Variants in CD109 observed in about 807,000 individuals in gnomAD.
The protein encoded by CD109 is CD109 antigen.
A neutral mutation model predicts 165.8 loss-of-function variants in CD109; 149 were observed. The observed-to-expected ratio is 0.90, with a 90% CI of 0.79 to 1.03. The LOEUF (loss-of-function observed/expected upper bound fraction) is 1.03. Ranked by LOEUF, CD109 falls within the 50% of genes least tolerant of loss-of-function variation. CD109 has a pLI of 0.00. For missense variants in CD109, 1,712 were observed against 1,677.8 expected (o/e 1.02, Z -0.36); for synonymous variants, 585 against 592.1 (o/e 0.99, Z 0.18).
chr6:73,752,129 T>C (rs1306973100), intron 5 of CD109, among the ~76,000 whole-genome samples: 2 of 152,170 alleles, frequency 1.3e-5, no homozygotes, highest in Non-Finnish European at 2.9e-5. Context: ...TAAAAGAACA[T>C]AATGAACAAA....
intron 22 of CD109, among the ~76,000 whole-genome samples, chr6:73,791,150 T>TACACATACAC (rs1300981171): frequency 2.2e-4 from 6 of 27,328 alleles, no homozygotes; most frequent in African/African-American, 4.4e-4. Context: ...TATATATATA[T>TACACATACAC]ATATATATAT....
Position 73,762,396 on chromosome 6 carries a change from GA to G in CD109, c.773del (p.Lys258SerfsTer3). The G allele has an allele frequency of 6.2e-7, 1 of 1,603,802 alleles. No individual in the cohort carries two copies. The highest frequency in any genetic ancestry group is 8.5e-7 in the Non-Finnish European group (1 of 1,171,142). On this transcript the variant is annotated frameshift_variant, in exon 8 of 33. Coordinates refer to ENST00000287097, the MANE Select transcript of CD109 (RefSeq NM_133493.5). LOFTEE classifies it high-confidence loss of function. ...TATAATTATTCAGGTATACATATGG[GA>G]AGCCAGTGAAAGGAGACGTAACGCT... The part of the protein sequence containing the change: ...GTITAKYTYG[K>X]PVKGDVTLTF...
intron 19 of CD109, among the ~76,000 whole-genome samples, chr6:73,785,019 A>G (rs911330785): frequency 1.3e-5 from 2 of 152,204 alleles, no homozygotes; most frequent in African/African-American, 4.8e-5. Context: ...ATGAATTTGT[A>G]CTAGTTACAA....
At chr6:73,787,172 A>C in intron 20 of CD109, 62 bp from the exon 21 acceptor site, 2 of 1,071,564 alleles carry the variant, frequency 1.9e-6, no homozygotes, top group South Asian at 1.5e-5. Context: ...ACTGGTGATA[A>C]AAGAGCACTT....
At chr6:73,686,429 C>T in the CD109 span, among the ~76,000 whole-genome samples, 1 of 152,180 alleles carries the variant, frequency 6.6e-6, no homozygotes, top group Admixed American at 6.6e-5. Context: ...TTCACATTTC[C>T]TTGCAAATTG....
the CD109 span, among the ~76,000 whole-genome samples, chr6:73,679,721 C>T: frequency 2.6e-5 from 4 of 151,732 alleles, no homozygotes; most frequent in Non-Finnish European, 5.9e-5. Flanking sequence ...CTGCAACCTC[C>T]GCCTCCTGGG....
intron 14 of CD109, 58 bp downstream of exon 14, chr6:73,768,289 A>G (rs1562056649): frequency 9.6e-7 from 1 of 1,042,106 alleles, no homozygotes; most frequent in African/African-American, 1.6e-5. Context: ...AGTCTGAGAA[A>G]TGTAATATTT....
At chr6:73,726,071 A>G (rs994987094) in intron 3 of CD109, among the ~76,000 whole-genome samples, 2 of 152,230 alleles carry the variant, frequency 1.3e-5, no homozygotes, top group African/African-American at 4.8e-5. Flanking sequence ...CAATTAAAGC[A>G]GAACCAACTT....
At chr6:73,765,205 T>C (rs952790728) in intron 10 of CD109, among the ~76,000 whole-genome samples, 1 of 151,582 alleles carries the variant, frequency 6.6e-6, no homozygotes, top group Admixed American at 6.6e-5. Context: ...ACTCAGGTAG[T>C]GTTTGAGGGA....
In CD109 at chr6:73,763,627, T is replaced by G. The variant is rs1773723960; in HGVS notation, c.1049T>G (p.Ile350Ser). 2 of 1,597,238 alleles carry G rather than the reference T, an allele frequency of 1.3e-6. No homozygotes were observed. Among genetic ancestry groups the G allele is most frequent in the Admixed American group, 3.4e-5 (2 of 58,474 alleles). ...TNVFFKQHDY[I>S]IEFFDYTTVL... ...GTGTTCTTCAAGCAACATGATTACA[T>G]CATTGAGTTTTTTGATTATACTACT... Residue 350 changes from isoleucine (I) to serine (S), a missense_variant, in exon 10 of 33, where the codon ATC (isoleucine) becomes AGC (serine). Physicochemically the swap from Ile to Ser is moderately radical, Grantham distance 142. Coordinates refer to ENST00000287097, the MANE Select transcript of CD109 (RefSeq NM_133493.5).
Position 73,782,668 on chromosome 6 carries a change from T to C in CD109, c.2018T>C (p.Val673Ala). The change falls in exon 18 of 33, where the codon GTA (valine) becomes GCA (alanine). Residue 673 changes from valine to alanine, a missense_variant. Coordinates refer to ENST00000287097, the MANE Select transcript of CD109 (RefSeq NM_133493.5). ...ATGGAGGAAAATGAAGGACATATTG[T>C]AGATATTCATGACTTTTCTTTGGGT... ...RFMEENEGHI[V>A]DIHDFSLGSS... 6.2e-7 allele frequency: 1 copy of C among 1,613,874 alleles called. No homozygotes were observed. Among genetic ancestry groups the C allele is most frequent in the Non-Finnish European group, 8.5e-7 (1 of 1,179,796 alleles).
At chr6:73,703,126 G>C (rs867892337) in intron 2 of CD109, among the ~76,000 whole-genome samples, 18 of 152,244 alleles carry the variant, frequency 1.2e-4, no homozygotes, top group Non-Finnish European at 2.9e-5. Flanking sequence ...AGTTAACCCA[G>C]TTAGTAAATG....
Position 73,768,222 on chromosome 6 carries a change from TA to T in CD109, c.1670del (p.Asn557IlefsTer3). On this transcript the variant is annotated frameshift_variant, in exon 14 of 33. Coordinates refer to ENST00000287097, the MANE Select transcript of CD109 (RefSeq NM_133493.5). LOFTEE classifies it high-confidence loss of function. ...VLKIPVQLVF[K>X]NKIKLYWSKV... ...TAAAAATTCCTGTTCAGCTTGTTTTTAAAAATAAGGTAAGATTTAAGGTAAT... is the reference window on the plus strand; with the variant it reads ...TAAAAATTCCTGTTCAGCTTGTTTTTAAAATAAGGTAAGATTTAAGGTAAT... 6.4e-7 allele frequency: 1 copy of T among 1,558,710 alleles called. No homozygotes were observed. The highest frequency in any genetic ancestry group is 8.8e-7 in the Non-Finnish European group (1 of 1,133,350).
intron 32 of CD109, among the ~76,000 whole-genome samples, chr6:73,822,257 G>T (rs935886959): frequency 6.6e-6 from 1 of 152,156 alleles, no homozygotes; most frequent in African/African-American, 2.4e-5. Context: ...TTGAATAAGC[G>T]CTTGTGGTGG....
intron 4 of CD109, among the ~76,000 whole-genome samples, chr6:73,735,717 A>C (rs1192301505): frequency 6.6e-6 from 1 of 152,208 alleles, no homozygotes; most frequent in Non-Finnish European, 1.5e-5. Context: ...TCTGAATTTC[A>C]TCATGCACTG....
intron 32 of CD109, 134 bp downstream of exon 32, chr6:73,820,697 G>A (rs3005537): frequency 0.55 from 265,109 of 482,916 alleles, 74,568 homozygotes; most frequent in African/African-American, 0.74. Flanking sequence ...GGAGGCGGGG[G>A]GGCAGGAAGT....
the CD109 span, among the ~76,000 whole-genome samples, chr6:73,682,483 G>A: frequency 4.6e-5 from 7 of 152,196 alleles, no homozygotes; most frequent in Non-Finnish European, 8.8e-5. Context: ...GGCTTTGCAG[G>A]GTACAGCCTT....
At chr6:73,768,607 A>G (rs1773932930) in intron 14 of CD109, among the ~76,000 whole-genome samples, 3 of 152,212 alleles carry the variant, frequency 2.0e-5, no homozygotes, top group African/African-American at 7.2e-5. Context: ...GAGTGAGGCC[A>G]TCTAGGATAA....
rs34703329 is a variant in CD109 at position 73,776,553 on chromosome 6, C to CTTT, written c.1828-3849_1828-3847dup. ...AGGCGTGAGCCACCACGCAAGTGGC[C>CTTT]TTTTTTTTTTTTTTTTTTTTTTTTG... On this transcript the variant is annotated intron_variant, in intron 15 of 32. Coordinates refer to ENST00000287097, the MANE Select transcript of CD109 (RefSeq NM_133493.5). Among the ~76,000 whole-genome samples the CTTT allele has an allele frequency of 1.8e-3, 135 of 73,106 alleles. 3 individuals carry two copies. The highest frequency in any genetic ancestry group is 7.4e-3 in the African/African-American group (121 of 16,368). The allele number at this position is 73,106 out of a possible 152,430, so 48.0% of individuals were successfully genotyped here. A position where few individuals can be genotyped will look rare whatever the true frequency, so the allele number is the denominator to read the frequency against.
Sources: allele counts gnomAD v4.1 joint callset (sites outside exome capture counted in the v4.1 genomes callset), GRCh38; gene constraint gnomAD v4.1.1; transcripts MANE v1.5; gene names NCBI Gene and HGNC (gene_info 2026-07-23, HGNC 2026-07-21).